TLL2: variants seen among roughly 807,000 people sequenced by gnomAD.
TLL2 encodes tolloid-like protein 2.
Under a neutral mutation model 123.0 loss-of-function variants are expected in TLL2, and 106 were observed. The ratio of observed to expected loss-of-function variants is 0.86; its 90% confidence interval spans 0.74 to 1.01. The LOEUF (loss-of-function observed/expected upper bound fraction) is 1.01, where lower values mean the gene tolerates loss of function less well. Ranked by LOEUF, TLL2 falls within the 50% of genes least tolerant of loss-of-function variation. The pLI, the probability that TLL2 is intolerant of heterozygous loss-of-function variation, is 0.00. For synonymous variants in TLL2, 494 were observed against 516.8 expected (o/e 0.96, Z 0.60); for missense variants, 1,332 against 1,336.7 (o/e 1.00, Z 0.06).
chr10:96,471,433 G>A (rs1014346345), intron 2 of TLL2, among the ~76,000 whole-genome samples: 3 of 152,178 alleles, frequency 2.0e-5, no homozygotes, highest in African/African-American at 7.2e-5. Flanking sequence ...GGTTCCGGAA[G>A]AGTACTAAAA....
At chr10:96,411,706 G>A (rs1009837372) in intron 8 of TLL2, among the ~76,000 whole-genome samples, 1 of 152,320 alleles carries the variant, frequency 6.6e-6, no homozygotes, top group South Asian at 2.1e-4. Context: ...AGCATCCTTA[G>A]GCATCTTTTC....
chr10:96,423,128 CAAAA>C (rs10577803), intron 5 of TLL2, among the ~76,000 whole-genome samples: 5 of 119,914 alleles, frequency 4.2e-5, no homozygotes, highest in Admixed American at 8.5e-5. Flanking sequence ...AACACCGTCT[CAAAA>C]AAAAAAAAAA....
chr10:96,430,046 T>C (rs550716110), intron 4 of TLL2, among the ~76,000 whole-genome samples: 176 of 152,322 alleles, frequency 1.2e-3, no homozygotes, highest in Admixed American at 2.6e-3. Flanking sequence ...AGGGCCCTCA[T>C]TGCAAAACAA....
intron 7 of TLL2, among the ~76,000 whole-genome samples, chr10:96,418,704 AAT>A (rs1238244948): frequency 1.3e-5 from 2 of 148,386 alleles, no homozygotes; most frequent in South Asian, 2.1e-4. Flanking sequence ...TATATATATG[AAT>A]ATATATGTAT....
At position 96,397,271 on chromosome 10, in the gene TLL2, G is replaced by C; in HGVS notation, c.1299C>G (p.Pro433=). The change falls in exon 11 of 21, where the codon CCC becomes CCG. Residue 433 remains proline, a synonymous_variant. Coordinates refer to ENST00000357947, the MANE Select transcript of TLL2 (RefSeq NM_012465.4). ...GRFCGDKIPE[P]LVSTDSRLWV... is the part of the protein sequence containing the mutation. ...AGAGCCGGCTGTCCGTGGAGACGAG[G>C]GGCTCCGGGATCTTATCGCCACAAA... is the stretch of plus-strand genomic sequence containing the variant. 6.2e-7 allele frequency: 1 copy of C among 1,613,764 alleles called. No homozygotes were observed. Among genetic ancestry groups the C allele is most frequent in the Non-Finnish European group, 8.5e-7 (1 of 1,179,806 alleles).
chr10:96,395,295 C>G lies in TLL2; in HGVS notation c.1618G>C (p.Gly540Arg). The G allele has an allele frequency of 6.2e-7, 1 of 1,614,068 alleles. No homozygotes were observed. Among genetic ancestry groups the G allele is most frequent in the Non-Finnish European group, 8.5e-7 (1 of 1,180,014 alleles). ...TTCACATCCTCCGGCTTCTCATAGCCACAAAAGTGGCCGATCAGGGCACTC... is the reference window on the plus strand; with the variant it reads ...TTCACATCCTCCGGCTTCTCATAGCGACAAAAGTGGCCGATCAGGGCACTC... ...EESALIGHFC[G>R]YEKPEDVKSS... Residue 540 changes from glycine to arginine, a missense_variant, in exon 13 of 21, where the codon GGC becomes CGC. Gly to Arg is a moderately radical substitution (Grantham distance 125, BLOSUM62 -2). Coordinates refer to ENST00000357947, the MANE Select transcript of TLL2 (RefSeq NM_012465.4).
intron 2 of TLL2, among the ~76,000 whole-genome samples, chr10:96,467,399 T>C (rs1564913013): frequency 6.6e-6 from 1 of 152,130 alleles, no homozygotes; most frequent in Non-Finnish European, 1.5e-5. Flanking sequence ...CTATTTACTT[T>C]TACTTTTTAT....
At chr10:96,385,886 G>A (rs931195833) in intron 15 of TLL2, among the ~76,000 whole-genome samples, 169 bp downstream of exon 15, 16 of 152,178 alleles carry the variant, frequency 1.1e-4, no homozygotes, top group Admixed American at 8.5e-4. Context: ...GCGTGCGGCT[G>A]AAACTGCTGG....
chr10:96,407,422 C>T (rs1424671303), intron 9 of TLL2, among the ~76,000 whole-genome samples: 2 of 152,180 alleles, frequency 1.3e-5, no homozygotes, highest in African/African-American at 4.8e-5. Flanking sequence ...CATCTACTAG[C>T]TCTGGAGTCT....
intron 2 of TLL2, among the ~76,000 whole-genome samples, chr10:96,476,248 T>TTTTTTTTGTTG (rs1285354320): frequency 0.078 from 5,357 of 68,466 alleles, 600 homozygotes; most frequent in Non-Finnish European, 0.11. Context: ...ATATTTTATT[T>TTTTTTTTGTTG]TTGTTGTTGT....
chr10:96,459,128 G>T (rs1365359196), intron 2 of TLL2, among the ~76,000 whole-genome samples: 1 of 152,148 alleles, frequency 6.6e-6, no homozygotes, highest in Non-Finnish European at 1.5e-5. Flanking sequence ...AGGGGTAAAT[G>T]CTATGAATGT....
At position 96,384,601 on chromosome 10, in the gene TLL2, G is replaced by A; in HGVS notation, c.2180C>T (p.Ala727Val). 1 of 1,594,978 alleles carries A rather than the reference G, an allele frequency of 6.3e-7. No individual in the cohort carries two copies. The highest frequency in any genetic ancestry group is 8.6e-7 in the Non-Finnish European group (1 of 1,167,212). Residue 727 changes from alanine (A) to valine (V), a missense_variant, in exon 16 of 21, where the codon GCC (alanine) becomes GTC (valine). Transcript: ENST00000357947. ...AACCCGCATACCTGAGAAGAAGTGG[G>A]CCCTGAAGCCGCGCTTGGAGACGGT... ...DNTVSKRGFR[A>V]HFFSDKDECA...
At chr10:96,476,729 T>A (rs2134102140) in intron 2 of TLL2, among the ~76,000 whole-genome samples, 1 of 152,144 alleles carries the variant, frequency 6.6e-6, no homozygotes, top group South Asian at 2.1e-4. Context: ...GCACATTGAA[T>A]CACTACTGCC....
chr10:96,421,054 C>T lies in TLL2; in HGVS notation c.825G>A (p.Glu275=). 1 of 1,613,792 alleles carries T rather than the reference C, an allele frequency of 6.2e-7. No homozygotes were observed. The highest frequency in any genetic ancestry group is 8.5e-7 in the Non-Finnish European group (1 of 1,179,722). The change falls in exon 7 of 21, where the codon GAG becomes GAA. Residue 275 remains glutamate, a synonymous_variant. Coordinates refer to ENST00000357947, the MANE Select transcript of TLL2 (RefSeq NM_012465.4). The part of the protein sequence containing the change: ...IIRENIQPGQ[E]YNFLKMEAGE... ...CAGCTTCCATTTTTAAGAAATTATACTCCTGACCTGTGACACAACACTGTG... is the reference window on the plus strand; with the variant it reads ...CAGCTTCCATTTTTAAGAAATTATATTCCTGACCTGTGACACAACACTGTG...
intron 1 of TLL2, among the ~76,000 whole-genome samples, chr10:96,482,506 A>G (rs997205406): frequency 1.3e-5 from 2 of 152,248 alleles, no homozygotes; most frequent in Non-Finnish European, 2.9e-5. Flanking sequence ...AAAGGAACAA[A>G]CTATAGACAC....
Position 96,379,015 on chromosome 10 carries a change from A to G in TLL2, c.2272T>C (p.Cys758Arg), listed in dbSNP as rs766275239. 13 of 1,614,176 alleles carry G rather than the reference A, an allele frequency of 8.1e-6. No individual in the cohort carries two copies. In the South Asian group the frequency reaches 1.3e-4, roughly 16 times the overall value. The change falls in exon 17 of 21, where the codon TGC becomes CGC. Residue 758 changes from cysteine to arginine, a missense_variant. Physicochemically the swap from Cys to Arg is radical, Grantham distance 180. Coordinates refer to ENST00000357947, the MANE Select transcript of TLL2 (RefSeq NM_012465.4). ...TCGTGGAGCCAGTAGCCGTTTCTGC[A>G]CCTGCACAGGTAGCTCCCGAAGGTG... ...VNTFGSYLCR[C>R]RNGYWLHENG...
chr10:96,500,737 AGTT>A (rs1212042241), intron 1 of TLL2, among the ~76,000 whole-genome samples: 1 of 136,906 alleles, frequency 7.3e-6, no homozygotes, highest in African/African-American at 2.7e-5. Context: ...AGTGAGTAGT[AGTT>A]GTGCCATTGC....
Position 96,513,593 on chromosome 10 carries a change from G to T in TLL2, c.93C>A (p.Asp31Glu), listed in dbSNP as rs200174076. ...RGAGGLGERPDATADYSELDG... is the reference protein window; with the variant it reads ...RGAGGLGERPEATADYSELDG... Reference sequence around the variant, plus strand: ...CCAGCTCTGAGTAGTCTGCGGTGGCGTCCGGGCGCTCCCCGAGTCCCCCGG... The same window carrying T: ...CCAGCTCTGAGTAGTCTGCGGTGGCTTCCGGGCGCTCCCCGAGTCCCCCGG... Residue 31 changes from aspartate (D) to glutamate (E), a missense_variant, in exon 1 of 21, where the codon GAC becomes GAA. Transcript: ENST00000357947. 1.5e-5 allele frequency: 24 copies of T among 1,606,512 alleles called. No homozygotes were observed. In the Admixed American group the frequency reaches 2.8e-4, roughly 19 times the overall value.
At chr10:96,502,212 G>T (rs886450987) in intron 1 of TLL2, among the ~76,000 whole-genome samples, 3 of 152,128 alleles carry the variant, frequency 2.0e-5, no homozygotes, top group African/African-American at 4.8e-5. Context: ...GGGGAGGGAG[G>T]CTGAGTCATA....
Sources: gnomAD v4.1 joint callset for allele counts (sites outside exome capture counted in the v4.1 genomes callset) on GRCh38, gnomAD v4.1.1 for gene constraint, MANE v1.5 for transcripts, NCBI Gene and HGNC (gene_info 2026-07-23, HGNC 2026-07-21) for gene names.